Variants in MRTFB observed in about 807,000 individuals in gnomAD.
MRTFB encodes myocardin-related transcription factor B.
Under a neutral mutation model 104.2 loss-of-function variants are expected in MRTFB, and 29 were observed. The observed-to-expected ratio is 0.28, with a 90% CI of 0.21 to 0.38. MRTFB has a LOEUF of 0.38. MRTFB is among the 10% of genes least tolerant of loss of function. The pLI, the probability that MRTFB is intolerant of heterozygous loss-of-function variation, is 1.00. For missense variants in MRTFB, 1,270 were observed against 1,341.6 expected, an observed-to-expected ratio of 0.95 and a Z score of 0.83; for synonymous variants, 535 against 519.5, an observed-to-expected ratio of 1.03 and a Z score of -0.41.
intron 3 of MRTFB, among the ~76,000 whole-genome samples, chr16:14,188,472 A>G (rs1399775888): frequency 6.6e-6 from 1 of 152,224 alleles, no homozygotes; most frequent in Non-Finnish European, 1.5e-5. Flanking sequence ...CATAGAAAGC[A>G]AGGATTAAAA....
chr16:14,004,455 G>C, the MRTFB span, among the ~76,000 whole-genome samples: 2 of 152,152 alleles, frequency 1.3e-5, no homozygotes, highest in Non-Finnish European at 1.5e-5. Flanking sequence ...CTGTGGGTCG[G>C]GTGGAAGTGG....
In MRTFB at chr16:14,144,542, A is replaced by G. The variant is rs895898118; in HGVS notation, c.154+3782A>G. The stretch of plus-strand genomic sequence containing the variant: ...GTATTGAAAATTGCTAAGATAGTAG[A>G]TTTTAAGTGTTGTCACCACGAAAAA... On this transcript the variant is annotated intron_variant, in intron 3 of 16. Coordinates refer to ENST00000571589, the MANE Select transcript of MRTFB (RefSeq NM_001308142.2). 4 of 152,316 alleles carry G rather than the reference A, an allele frequency of 2.6e-5. No homozygotes were observed. The East Asian group carries it at 7.7e-4, about 29-fold the overall frequency. The allele number at this position is 152,316 out of a possible 1,614,324, so 9.4% of individuals were successfully genotyped here. A position where few individuals can be genotyped will look rare whatever the true frequency, so the allele number is the denominator to read the frequency against.
At chr16:14,116,996 T>C (rs916131437) in intron 2 of MRTFB, among the ~76,000 whole-genome samples, 5 of 152,168 alleles carry the variant, frequency 3.3e-5, no homozygotes, top group African/African-American at 7.2e-5. Context: ...GATAGACAGA[T>C]GAAGAGTCTA....
rs2043829830 is a variant in MRTFB, at chr16:14,263,080, A to G, written c.*1636A>G. The G allele has an allele frequency of 6.6e-6, 1 of 152,380 alleles. No homozygotes were observed. Among genetic ancestry groups the G allele is most frequent in the African/African-American group, 2.4e-5 (1 of 41,458 alleles). 9.4% of individuals were successfully genotyped at this position (152,380 alleles called of 1,614,324 possible). A position where few individuals can be genotyped will look rare whatever the true frequency, so the allele number is the denominator to read the frequency against. ...TGTAACAAAAGTCTGCTTTTCCAGCATGAGCACACTGGAGCCCTCTGCTCA... is the reference window on the plus strand; with the variant it reads ...TGTAACAAAAGTCTGCTTTTCCAGCGTGAGCACACTGGAGCCCTCTGCTCA... On this transcript the variant is annotated 3_prime_UTR_variant, in exon 17 of 17. Coordinates refer to ENST00000571589, the MANE Select transcript of MRTFB (RefSeq NM_001308142.2).
At chr16:14,082,114 C>T (rs1173717122) in intron 2 of MRTFB, among the ~76,000 whole-genome samples, 1 of 152,154 alleles carries the variant, frequency 6.6e-6, no homozygotes, top group East Asian at 1.9e-4. Context: ...AATCATTGTC[C>T]AGACCAATGT....
intron 2 of MRTFB, among the ~76,000 whole-genome samples, chr16:14,119,012 A>C (rs989725290): frequency 4.6e-5 from 7 of 152,134 alleles, no homozygotes; most frequent in African/African-American, 1.7e-4. Flanking sequence ...GTTATTTTCA[A>C]CATTGTGGTA....
intron 3 of MRTFB, among the ~76,000 whole-genome samples, chr16:14,162,360 GT>G (rs201434158): frequency 6.6e-6 from 1 of 151,352 alleles, no homozygotes; most frequent in African/African-American, 2.4e-5. Context: ...AAGATGATGG[GT>G]TTTTTTTAAT....
At chr16:14,123,348 T>G (rs1178903828) in intron 2 of MRTFB, among the ~76,000 whole-genome samples, 1 of 152,196 alleles carries the variant, frequency 6.6e-6, no homozygotes, top group Admixed American at 6.5e-5. Flanking sequence ...AGACATGAAG[T>G]CCTTGCCATG....
At chr16:14,015,938 A>G in the MRTFB span, 1 of 398,734 alleles carries the variant, frequency 2.5e-6, no homozygotes, top group East Asian at 3.6e-5. Context: ...TTATGCATCC[A>G]GAGACTAGGC....
chr16:14,262,950 C>T lies in MRTFB; in HGVS notation c.*1506C>T, dbSNP rs2043824555. The stretch of plus-strand genomic sequence containing the variant: ...TACTGACATGCCGGAGGCAGCCTGA[C>T]CCGTTATTTGGAAAGAATTTGTGAA... On this transcript the variant is annotated 3_prime_UTR_variant, in exon 17 of 17. Transcript: ENST00000571589. 1 of 152,594 alleles carries T rather than the reference C, an allele frequency of 6.6e-6. No homozygotes were observed. Among genetic ancestry groups the T allele is most frequent in the African/African-American group, 2.4e-5 (1 of 41,444 alleles). The allele number at this position is 152,594 out of a possible 1,614,324, so 9.5% of individuals were successfully genotyped here. A position where few individuals can be genotyped will look rare whatever the true frequency, so the allele number is the denominator to read the frequency against.
intron 6 of MRTFB, 134 bp downstream of exon 6, chr16:14,213,754 A>G (rs987385778): frequency 2.6e-5 from 16 of 609,598 alleles, no homozygotes; most frequent in East Asian, 2.9e-5. Flanking sequence ...GGATAGCAAC[A>G]TGAAGACCCA....
intron 3 of MRTFB, among the ~76,000 whole-genome samples, chr16:14,167,855 T>C (rs982895390): frequency 1.3e-5 from 2 of 152,112 alleles, no homozygotes; most frequent in Non-Finnish European, 2.9e-5. Flanking sequence ...GCCCGGCTAA[T>C]TTTTTGTATT....
At chr16:14,168,095 C>A (rs1278469184) in intron 3 of MRTFB, among the ~76,000 whole-genome samples, 2 of 152,114 alleles carry the variant, frequency 1.3e-5, no homozygotes, top group Non-Finnish European at 2.9e-5. Flanking sequence ...ATAGGGAATT[C>A]TTTCCTCATT....
the MRTFB span, among the ~76,000 whole-genome samples, chr16:14,004,337 G>A: frequency 6.6e-6 from 1 of 152,194 alleles, no homozygotes. Context: ...TCAGGGTCAG[G>A]CACTGAACAG....
Position 14,114,164 on chromosome 16 carries a change from A to T in MRTFB, c.-63-26380A>T, listed in dbSNP as rs115443299. The stretch of plus-strand genomic sequence containing the variant: ...ACTTTAATGTTGCCAATGTCTTCCC[A>T]ATTGACATCTGAATATCTCAATTAT... On this transcript the variant is annotated intron_variant, in intron 2 of 16. Coordinates refer to ENST00000571589, the MANE Select transcript of MRTFB (RefSeq NM_001308142.2). 4.3e-3 allele frequency among the ~76,000 whole-genome samples: 648 copies of T among 152,330 alleles called. 6 individuals carry two copies. Among genetic ancestry groups the T allele is most frequent in the African/African-American group, 0.015 (606 of 41,580 alleles).
At position 14,240,238 on chromosome 16, in the gene MRTFB, A is replaced by G. The variant is rs1297502079; in HGVS notation, c.833A>G (p.Gln278Arg). 6.3e-7 allele frequency: 1 copy of G among 1,588,718 alleles called. No homozygotes were observed. The highest frequency in any genetic ancestry group is 8.6e-7 in the Non-Finnish European group (1 of 1,169,418). ...TTATTTTCTTTTTCTCAAAAATAGCAAAGCCATCCCAAGAATCCAAATGAC... is the reference window on the plus strand; with the variant it reads ...TTATTTTCTTTTTCTCAAAAATAGCGAAGCCATCCCAAGAATCCAAATGAC... ...SAKPGPALVK[Q>R]SHPKNPNDKH... Residue 278 changes from glutamine to arginine, a missense_variant and splice_region_variant, in exon 10 of 17, where the codon CAA becomes CGA. Physicochemically the swap from Gln to Arg is conservative, Grantham distance 43. Coordinates refer to ENST00000571589, the MANE Select transcript of MRTFB (RefSeq NM_001308142.2).
rs1404277483 is a variant in MRTFB at position 14,265,462 on chromosome 16, A to G, written c.*4018A>G. 1 of 152,222 alleles carries G rather than the reference A, an allele frequency of 6.6e-6. No homozygotes were observed. Among genetic ancestry groups the G allele is most frequent in the Non-Finnish European group, 1.5e-5 (1 of 68,036 alleles). 9.4% of individuals were successfully genotyped at this position (152,222 alleles called of 1,614,324 possible). On this transcript the variant is annotated 3_prime_UTR_variant, in exon 17 of 17. Coordinates refer to ENST00000571589, the MANE Select transcript of MRTFB (RefSeq NM_001308142.2). ...GAGCATCCTAACTGCATTTCAACTC[A>G]TCTTTTAAGTGATTTCAGTCAAAAC...
chr16:14,163,609 A>G (rs2039121898), intron 3 of MRTFB, among the ~76,000 whole-genome samples: 1 of 152,168 alleles, frequency 6.6e-6, no homozygotes, highest in Admixed American at 6.5e-5. Context: ...AGGCAGGCGC[A>G]TCACCTGAGG....
chr16:14,175,602 A>G (rs1387916197), intron 3 of MRTFB, among the ~76,000 whole-genome samples: 1 of 152,224 alleles, frequency 6.6e-6, no homozygotes, highest in African/African-American at 2.4e-5. Flanking sequence ...CACTTTCTAC[A>G]TGGCCAAGTC....
Sources: allele counts gnomAD v4.1 joint callset (sites outside exome capture counted in the v4.1 genomes callset), GRCh38; gene constraint gnomAD v4.1.1; transcripts MANE v1.5; gene names NCBI Gene and HGNC (gene_info 2026-07-23, HGNC 2026-07-21).